The following FGGY variants were observed in gnomAD, a reference collection of about 807,000 sequenced individuals.
FGGY encodes FGGY carbohydrate kinase domain-containing protein.
A neutral mutation model predicts 71.3 loss-of-function variants in FGGY; 72 were observed. That is an observed-to-expected ratio of 1.01 (90% CI 0.84 to 1.23). The LOEUF (loss-of-function observed/expected upper bound fraction) is 1.23, where lower values mean the gene tolerates loss of function less well. FGGY is among the 50% of genes most tolerant of loss of function. The pLI is 0.00. For synonymous variants in FGGY, 251 were observed against 250.3 expected (o/e 1.00, Z -0.02); for missense variants, 668 against 682.3 (o/e 0.98, Z 0.23).
chr1:59,514,103 A>G (rs533023191), intron 7 of FGGY, among the ~76,000 whole-genome samples: 6 of 152,342 alleles, frequency 3.9e-5, no homozygotes, highest in Non-Finnish European at 5.9e-5. Flanking sequence ...TGGTTTTTAC[A>G]TACAAGCACA....
chr1:59,365,950 G>A (rs1408005828), intron 4 of FGGY, among the ~76,000 whole-genome samples: 2 of 152,240 alleles, frequency 1.3e-5, no homozygotes. Context: ...CAGCTGTTAA[G>A]TGGTGAGGAC....
chr1:59,684,043 G>A (rs561744865), intron 14 of FGGY, among the ~76,000 whole-genome samples: 25 of 152,174 alleles, frequency 1.6e-4, no homozygotes, highest in Non-Finnish European at 2.8e-4. Flanking sequence ...TAGGGGCCTC[G>A]ATGGCCATTT....
At chr1:59,410,733 T>C (rs781067759) in intron 5 of FGGY, among the ~76,000 whole-genome samples, 2 of 152,200 alleles carry the variant, frequency 1.3e-5, no homozygotes, top group Non-Finnish European at 2.9e-5. Flanking sequence ...GGGCAGGTAA[T>C]TGAATCTAGA....
intron 2 of FGGY, among the ~76,000 whole-genome samples, chr1:59,325,181 G>A (rs923979669): frequency 2.0e-5 from 3 of 147,184 alleles, no homozygotes; most frequent in Non-Finnish European, 4.5e-5. Context: ...GTGAAACCCT[G>A]TCTCTACTAA....
Position 59,607,817 on chromosome 1 carries a change from G to A in FGGY, c.918G>A (p.Pro306=), listed in dbSNP as rs148064306. ...SSCHMGISKD[P]IFVPGVWGPY... ...TTTCTTTCCAGATCAGCAAAGACCC[G>A]ATTTTTGTACCAGGCGTCTGGGGGC... Residue 306 remains proline, a synonymous_variant, in exon 9 of 16, where the codon CCG becomes CCA. Transcript: ENST00000303721. 110 of 1,613,710 alleles carry A rather than the reference G, an allele frequency of 6.8e-5. No homozygotes were observed. The highest frequency in any genetic ancestry group is 8.9e-5 in the Non-Finnish European group (105 of 1,179,862).
intron 5 of FGGY, among the ~76,000 whole-genome samples, chr1:59,398,291 T>C (rs1167319276): frequency 6.6e-6 from 1 of 152,174 alleles, no homozygotes; most frequent in African/African-American, 2.4e-5. Context: ...GTCTGGATTG[T>C]GCAGTGGCAC....
At chr1:59,561,624 T>C (rs1023730641) in intron 8 of FGGY, among the ~76,000 whole-genome samples, 1 of 152,202 alleles carries the variant, frequency 6.6e-6, no homozygotes, top group African/African-American at 2.4e-5. Flanking sequence ...CCACGGACCA[T>C]GTACTAAGCA....
intron 7 of FGGY, among the ~76,000 whole-genome samples, chr1:59,533,962 CG>C (rs2095240160): frequency 2.0e-5 from 3 of 152,312 alleles, no homozygotes; most frequent in Middle Eastern, 6.8e-3. Context: ...TCACCAGCAA[CG>C]GAACAAAGCT....
At chr1:59,555,640 G>A (rs2095672928) in intron 8 of FGGY, among the ~76,000 whole-genome samples, 1 of 152,150 alleles carries the variant, frequency 6.6e-6, no homozygotes, top group African/African-American at 2.4e-5. Flanking sequence ...TGGACTTTAA[G>A]GAAATAGATT....
intron 14 of FGGY, among the ~76,000 whole-genome samples, chr1:59,683,202 T>C (rs2097518236): frequency 6.6e-6 from 1 of 152,204 alleles, no homozygotes; most frequent in Non-Finnish European, 1.5e-5. Flanking sequence ...CAAGTTAGAT[T>C]ATTCACTTCA....
intron 14 of FGGY, among the ~76,000 whole-genome samples, chr1:59,697,240 T>C (rs994065236): frequency 3.3e-5 from 5 of 152,186 alleles, no homozygotes; most frequent in African/African-American, 1.2e-4. Flanking sequence ...GTGTACGGTT[T>C]GGTGGTATTA....
rs775569252 is a variant in FGGY at position 59,660,218 on chromosome 1, G to A, written c.1222-1G>A. Reference sequence around the variant, plus strand: ...TTCTTTTCTTCCCTTCATGCCTGCAGGTCACCGGATTGAAACTGTCTCAGG... The same window carrying A: ...TTCTTTTCTTCCCTTCATGCCTGCAAGTCACCGGATTGAAACTGTCTCAGG... On this transcript the variant is annotated splice_acceptor_variant, in intron 11 of 15. Coordinates refer to ENST00000303721, the MANE Select transcript of FGGY (RefSeq NM_018291.5). LOFTEE classifies it high-confidence loss of function. 1.2e-6 allele frequency: 2 copies of A among 1,613,358 alleles called. No individual in the cohort carries two copies. The highest frequency in any genetic ancestry group is 1.7e-6 in the Non-Finnish European group (2 of 1,179,854).
intron 10 of FGGY, among the ~76,000 whole-genome samples, chr1:59,631,849 G>A (rs923229189): frequency 6.6e-6 from 1 of 152,162 alleles, no homozygotes; most frequent in East Asian, 1.9e-4. Context: ...TTCTCTTCAT[G>A]TGGGGCCAAA....
At chr1:59,499,615 A>G (rs973325574) in intron 6 of FGGY, among the ~76,000 whole-genome samples, 4 of 152,200 alleles carry the variant, frequency 2.6e-5, no homozygotes, top group African/African-American at 9.6e-5. Context: ...ATTTGGAAAA[A>G]AAAAGTTTTG....
At chr1:59,418,849 G>A (rs1218819944) in intron 5 of FGGY, among the ~76,000 whole-genome samples, 1 of 152,056 alleles carries the variant, frequency 6.6e-6, no homozygotes, top group Non-Finnish European at 1.5e-5. Context: ...CCTAAGACAG[G>A]CCATAAATGA....
chr1:59,683,212 A>G (rs1323295612), intron 14 of FGGY, among the ~76,000 whole-genome samples: 1 of 152,234 alleles, frequency 6.6e-6, no homozygotes, highest in Non-Finnish European at 1.5e-5. Context: ...TATTCACTTC[A>G]TCTTTACAGA....
intron 14 of FGGY, among the ~76,000 whole-genome samples, chr1:59,678,969 C>T (rs1175241108): frequency 6.6e-6 from 1 of 152,220 alleles, no homozygotes; most frequent in African/African-American, 2.4e-5. Flanking sequence ...TGACTCCATG[C>T]ACTCTCACCA....
intron 5 of FGGY, among the ~76,000 whole-genome samples, chr1:59,425,561 G>A (rs559776922): frequency 6.6e-5 from 10 of 152,156 alleles, no homozygotes; most frequent in Admixed American, 1.3e-4. Context: ...GTGACAAACC[G>A]CATTGCCTGG....
At chr1:59,723,018 C>T (rs1326465485) in intron 14 of FGGY, among the ~76,000 whole-genome samples, 1 of 152,086 alleles carries the variant, frequency 6.6e-6, no homozygotes, top group Non-Finnish European at 1.5e-5. Flanking sequence ...AGGATGGTCT[C>T]AATCTCCTGA....
Sources: allele counts gnomAD v4.1 joint callset (sites outside exome capture counted in the v4.1 genomes callset), GRCh38; gene constraint gnomAD v4.1.1; transcripts MANE v1.5; gene names NCBI Gene and HGNC (gene_info 2026-07-23, HGNC 2026-07-21).